MAP3K1: variants seen among roughly 807,000 people sequenced by gnomAD.
MAP3K1 encodes mitogen-activated protein kinase kinase kinase 1.
MAP3K1 carries 36 observed loss-of-function variants against 144.2 expected under a neutral mutation model. The observed-to-expected ratio is 0.25, with a 90% CI of 0.19 to 0.33. The LOEUF (loss-of-function observed/expected upper bound fraction) is 0.33. MAP3K1 is among the 10% of genes least tolerant of loss of function. The pLI is 1.00. For synonymous variants in MAP3K1, 718 were observed against 688.7 expected, an observed-to-expected ratio of 1.04 and a Z score of -0.67; for missense variants, 1,650 against 1,881.9, an observed-to-expected ratio of 0.88 and a Z score of 2.28.
At position 56,894,195 on chromosome 5, in the gene MAP3K1, T is replaced by C; in HGVS notation, c.*515T>C. 1 of 243,444 alleles carries C rather than the reference T, an allele frequency of 4.1e-6. No individual in the cohort carries two copies. Among genetic ancestry groups the C allele is most frequent in the South Asian group, 1.5e-4 (1 of 6,814 alleles). 15.1% of individuals were successfully genotyped at this position (243,444 alleles called of 1,614,324 possible). A position where few individuals can be genotyped will look rare whatever the true frequency, so the allele number is the denominator to read the frequency against. Reference sequence around the variant, plus strand: ...ACATATATTTTTAAAAGTTGATACTTCTTTATGACCCACAGTTGACCTTTA... The same window carrying C: ...ACATATATTTTTAAAAGTTGATACTCCTTTATGACCCACAGTTGACCTTTA... On this transcript the variant is annotated 3_prime_UTR_variant, in exon 20 of 20. Transcript: ENST00000399503.
intron 2 of MAP3K1, 126 bp from the exon 3 acceptor site, chr5:56,859,589 G>A: frequency 1.5e-6 from 1 of 664,744 alleles, no homozygotes; most frequent in Non-Finnish European, 2.6e-6. Flanking sequence ...TTGATATATT[G>A]TCTGGTATAC....
chr5:56,823,970 ATTC>A (rs1364178049), intron 1 of MAP3K1, among the ~76,000 whole-genome samples: 7 of 152,162 alleles, frequency 4.6e-5, no homozygotes, highest in Non-Finnish European at 8.8e-5. Context: ...TAATATAATT[ATTC>A]TTATTTTTAA....
chr5:56,820,305 C>A, intron 1 of MAP3K1: 1 of 374,058 alleles, frequency 2.7e-6, no homozygotes, highest in Non-Finnish European at 3.7e-6. Context: ...AATCCCAAGT[C>A]AGACTGACTC....
intron 1 of MAP3K1, among the ~76,000 whole-genome samples, chr5:56,828,098 T>G (rs965635950): frequency 2.0e-5 from 3 of 152,218 alleles, no homozygotes; most frequent in Non-Finnish European, 4.4e-5. Context: ...AGAATGAGGT[T>G]AAGAGCCTCC....
Position 56,865,422 on chromosome 5 carries a change from C to T in MAP3K1, c.1118C>T (p.Pro373Leu). The T allele has an allele frequency of 6.2e-7, 1 of 1,604,720 alleles. No individual in the cohort carries two copies. Reference sequence around the variant, plus strand: ...GTGTTTCAACTAGAACCTTCAGACCCAATGTTATGGAGAAAAACTTTAAAG... The same window carrying T: ...GTGTTTCAACTAGAACCTTCAGACCTAATGTTATGGAGAAAAACTTTAAAG... The part of the protein sequence containing the change: ...LRVFQLEPSD[P>L]MLWRKTLKNF... The change falls in exon 5 of 20, where the codon CCA becomes CTA. Residue 373 changes from proline (P) to leucine (L), a missense_variant. By Grantham distance (98) the Pro-to-Leu change is moderately conservative. This residue lies in a region of MAP3K1 where 125 missense variants were observed against 179.9 expected (regional missense o/e 0.69). Coordinates refer to ENST00000399503, the MANE Select transcript of MAP3K1 (RefSeq NM_005921.2).
At chr5:56,869,636 G>A (rs1747791729) in intron 6 of MAP3K1, among the ~76,000 whole-genome samples, 1 of 152,026 alleles carries the variant, frequency 6.6e-6, no homozygotes, top group African/African-American at 2.4e-5. Context: ...GAAATACCCC[G>A]GAATGGTATT....
intron 3 of MAP3K1, 25 bp from the exon 4 acceptor site, chr5:56,864,709 C>G (rs749048553): frequency 1.7e-5 from 27 of 1,611,048 alleles, no homozygotes; most frequent in Admixed American, 1.5e-4. Flanking sequence ...GAGAAACGTA[C>G]CTAATAAAAA....
chr5:56,846,053 A>G (rs899277043), intron 1 of MAP3K1, among the ~76,000 whole-genome samples: 1 of 152,240 alleles, frequency 6.6e-6, no homozygotes, highest in Admixed American at 6.5e-5. Flanking sequence ...TAGTCTAAGT[A>G]GTAAATATTC....
At chr5:56,822,404 G>A (rs1746180842) in intron 1 of MAP3K1, among the ~76,000 whole-genome samples, 1 of 152,184 alleles carries the variant, frequency 6.6e-6, no homozygotes, top group African/African-American at 2.4e-5. Context: ...TGTAATGTGA[G>A]CCTTCTAATA....
intron 1 of MAP3K1, among the ~76,000 whole-genome samples, chr5:56,831,634 T>C (rs569076382): frequency 6.6e-6 from 1 of 152,232 alleles, no homozygotes; most frequent in Non-Finnish European, 1.5e-5. Flanking sequence ...ACATTAAACA[T>C]TAATCCTTTT....
rs933033391 is a variant in MAP3K1 at position 56,882,829 on chromosome 5, T to C, written c.3629T>C (p.Val1210Ala). 6.2e-7 allele frequency: 1 copy of C among 1,611,808 alleles called. No individual in the cohort carries two copies. Among genetic ancestry groups the C allele is most frequent in the East Asian group, 2.2e-5 (1 of 44,856 alleles). ...CTCCCCATAGTTCCTCAGCTGCAGG[T>C]TGAAAATGGAGAAGATATCATCATT... ...DALPIVPQLQVENGEDIIIIQ... is the reference protein window; with the variant it reads ...DALPIVPQLQAENGEDIIIIQ... Residue 1210 changes from valine to alanine, a missense_variant, in exon 14 of 20, where the codon GTT (valine) becomes GCT (alanine). This residue lies in a region of MAP3K1 where 841 missense variants were observed against 886.5 expected (regional missense o/e 0.95). Transcript: ENST00000399503.
At chr5:56,865,785 A>G in intron 5 of MAP3K1, 44 bp from the exon 6 acceptor site, 3 of 1,602,498 alleles carry the variant, frequency 1.9e-6, no homozygotes, top group Non-Finnish European at 2.6e-6. Context: ...CATATGTATA[A>G]TTATGGCACA....
chr5:56,881,737 C>G lies in MAP3K1; in HGVS notation c.2537C>G (p.Ser846Cys). Residue 846 changes from serine to cysteine, a missense_variant, in exon 14 of 20, where the codon TCC becomes TGC. By Grantham distance (112) the Ser-to-Cys change is moderately radical (BLOSUM62 -1). Around this residue, in one of 6 missense-constraint regions of MAP3K1, gnomAD observed 841 missense variants for 886.5 expected, o/e 0.95. Coordinates refer to ENST00000399503, the MANE Select transcript of MAP3K1 (RefSeq NM_005921.2). ...TTAGAAATGCTGAGTGTTTCCAGTT[C>G]CACTCACTTCACCAGGATGCGTCGC... Reference protein sequence around the residue: ...KLLEMLSVSSSTHFTRMRRRL... With the variant: ...KLLEMLSVSSCTHFTRMRRRL... 1 of 1,614,106 alleles carries G rather than the reference C, an allele frequency of 6.2e-7. No homozygotes were observed. Among genetic ancestry groups the G allele is most frequent in the Non-Finnish European group, 8.5e-7 (1 of 1,180,012 alleles).
In MAP3K1 at chr5:56,872,988, G is replaced by A. The variant is rs1416272340; in HGVS notation, c.1669G>A (p.Ala557Thr). ...QQIPPAYKDL[A>T]EPWIQVFGME... Reference sequence around the variant, plus strand: ...AATCCCTCCTGCTTACAAAGATTTAGCTGAGCCATGGATTCAGGTAAGTAG... The same window carrying A: ...AATCCCTCCTGCTTACAAAGATTTAACTGAGCCATGGATTCAGGTAAGTAG... The change falls in exon 9 of 20, where the codon GCT becomes ACT. Residue 557 changes from alanine (A) to threonine (T), a missense_variant. Ala to Thr is a moderately conservative substitution (Grantham distance 58). Transcript: ENST00000399503. 6.2e-7 allele frequency: 1 copy of A among 1,613,856 alleles called. No homozygotes were observed. The highest frequency in any genetic ancestry group is 8.5e-7 in the Non-Finnish European group (1 of 1,179,908).
chr5:56,877,849 C>T (rs1358848662), intron 10 of MAP3K1, among the ~76,000 whole-genome samples: 1 of 152,146 alleles, frequency 6.6e-6, no homozygotes, highest in Non-Finnish European at 1.5e-5. Context: ...TCATCCATGA[C>T]AGTTCCTCAG....
chr5:56,877,608 A>T (rs1443732724), intron 10 of MAP3K1, among the ~76,000 whole-genome samples: 1 of 151,436 alleles, frequency 6.6e-6, no homozygotes, highest in African/African-American at 2.4e-5. Flanking sequence ...CAAATACATA[A>T]TTCCATTTAT....
At chr5:56,825,151 G>A (rs1017779511) in intron 1 of MAP3K1, among the ~76,000 whole-genome samples, 31 of 152,152 alleles carry the variant, frequency 2.0e-4, no homozygotes, top group African/African-American at 6.7e-4. Flanking sequence ...GGGATTACAG[G>A]CGCCTGCCAC....
Position 56,847,413 on chromosome 5 carries a change from A to G in MAP3K1, c.483-9187A>G, listed in dbSNP as rs539433462. On this transcript the variant is annotated intron_variant, in intron 1 of 19. Transcript: ENST00000399503. ...GGAGTTTGAGACCAGCCTGGCCAACATGGTGAAACCCCATCTCTACTAAAA... is the reference window on the plus strand; with the variant it reads ...GGAGTTTGAGACCAGCCTGGCCAACGTGGTGAAACCCCATCTCTACTAAAA... Among the ~76,000 whole-genome samples the G allele has an allele frequency of 3.9e-5, 6 of 152,352 alleles. No homozygotes were observed. In the East Asian group the frequency reaches 1.2e-3, roughly 29 times the overall value.
intron 5 of MAP3K1, 49 bp from the exon 6 acceptor site, chr5:56,865,780 G>C (rs780173928): frequency 1.3e-6 from 2 of 1,586,378 alleles, no homozygotes; most frequent in South Asian, 1.1e-5. Context: ...CTCTTCATAT[G>C]TATAATTATG....
Sources: allele counts gnomAD v4.1 joint callset (sites outside exome capture counted in the v4.1 genomes callset), GRCh38; gene constraint gnomAD v4.1.1; regional missense constraint gnomAD v4.1.1; transcripts MANE v1.5; gene names NCBI Gene and HGNC (gene_info 2026-07-23, HGNC 2026-07-21).